The following CCT4 variants were observed in gnomAD, a reference collection of about 807,000 sequenced individuals.
CCT4 encodes chaperonin containing TCP1 subunit 4.
In CCT4, 17 loss-of-function variants were observed where a neutral mutation model predicts 62.5. That is an observed-to-expected ratio of 0.27 (90% CI 0.19 to 0.41). The LOEUF (loss-of-function observed/expected upper bound fraction) is 0.41, where lower values mean the gene tolerates loss of function less well. CCT4 is among the 10% of genes least tolerant of loss of function. CCT4 has a pLI of 1.00. For missense variants in CCT4, 592 were observed against 659.2 expected (o/e 0.90, Z 1.12); for synonymous variants, 250 against 229.9 (o/e 1.09, Z -0.79).
chr2:61,875,926 C>G (rs978373055), intron 8 of CCT4, among the ~76,000 whole-genome samples, 169 bp downstream of exon 8: 2 of 152,086 alleles, frequency 1.3e-5, no homozygotes, highest in African/African-American at 4.8e-5. Context: ...AACATTTTAC[C>G]TGTGCTTTTA....
chr2:61,880,494 G>A, intron 3 of CCT4, 100 bp from the exon 4 acceptor site: 1 of 701,348 alleles, frequency 1.4e-6, no homozygotes, highest in South Asian at 1.7e-5. Flanking sequence ...AGAATTTGAA[G>A]ATGCAACATG....
At chr2:61,877,717 T>G (rs1424545451) in intron 5 of CCT4, among the ~76,000 whole-genome samples, 3 of 152,162 alleles carry the variant, frequency 2.0e-5, no homozygotes, top group African/African-American at 7.2e-5. Flanking sequence ...AAAACATGTA[T>G]GCTTGCTTTT....
Position 61,880,371 on chromosome 2 carries a change from T to C in CCT4, c.294A>G (p.Gln98=). Reference sequence around the variant, plus strand: ...TGGTGCCATCTCCTGCTTCTATATCTTGAGCCTTAGACAGCTCCACCAGCT... The same window carrying C: ...TGGTGCCATCTCCTGCTTCTATATCCTGAGCCTTAGACAGCTCCACCAGCT... The part of the protein sequence containing the change: ...ARMLVELSKA[Q]DIEAGDGTTS... Residue 98 remains glutamine, a synonymous_variant, in exon 4 of 14, where the codon CAA becomes CAG. Transcript: ENST00000394440. 6.2e-7 allele frequency: 1 copy of C among 1,605,972 alleles called. No individual in the cohort carries two copies.
chr2:61,873,790 T>G (rs180967304), intron 8 of CCT4, among the ~76,000 whole-genome samples: 1 of 152,154 alleles, frequency 6.6e-6, no homozygotes, highest in Non-Finnish European at 1.5e-5. Flanking sequence ...GGTCTCGAAC[T>G]CCTGACTTCA....
rs1668896805 is a variant in CCT4, at chr2:61,872,116, T to C, written c.1457A>G (p.Gln486Arg). The change falls in exon 12 of 14, where the codon CAG becomes CGG. Residue 486 changes from glutamine to arginine, a missense_variant. This residue lies in a region of CCT4 where 522 missense variants were observed against 571.2 expected (regional missense o/e 0.91). Coordinates refer to ENST00000394440, the MANE Select transcript of CCT4 (RefSeq NM_006430.4). Reference protein sequence around the residue: ...TVTELRNRHAQGEKTAGINVR... With the variant: ...TVTELRNRHARGEKTAGINVR... ...ATTAATGCCTGCAGTTTTTTCTCCC[T>C]GGGCATGCCGGTTTCTTAGTTCTGT... The C allele has an allele frequency of 6.2e-7, 1 of 1,613,790 alleles. No homozygotes were observed. The highest frequency in any genetic ancestry group is 8.5e-7 in the Non-Finnish European group (1 of 1,179,834).
intron 10 of CCT4, 39 bp from the exon 11 acceptor site, chr2:61,872,627 C>CAA (rs200509643): frequency 1.2e-6 from 2 of 1,607,272 alleles, no homozygotes; most frequent in Middle Eastern, 1.7e-4. Flanking sequence ...TTTGAAGGGT[C>CAA]AAAAAAACCC....
At chr2:61,879,469 G>C (rs1279735249) in intron 4 of CCT4, among the ~76,000 whole-genome samples, 38 of 147,644 alleles carry the variant, frequency 2.6e-4, no homozygotes, top group African/African-American at 9.5e-4. Context: ...GTGGAGACAG[G>C]GTTTTGCCAT....
intron 2 of CCT4, among the ~76,000 whole-genome samples, chr2:61,884,499 CG>C (rs1209586291): frequency 3.3e-5 from 5 of 150,100 alleles, no homozygotes; most frequent in South Asian, 2.1e-4. Context: ...TTAGTAGAGA[CG>C]GGGTTTCACC....
intron 6 of CCT4, 107 bp from the exon 7 acceptor site, chr2:61,877,159 C>G (rs1669018736): frequency 9.3e-7 from 1 of 1,079,050 alleles, no homozygotes; most frequent in Non-Finnish European, 1.3e-6. Flanking sequence ...TATGATTCAG[C>G]CTCACATTTA....
chr2:61,869,284 C>T (rs1423191862), intron 13 of CCT4, among the ~76,000 whole-genome samples, 156 bp downstream of exon 13: 3 of 151,892 alleles, frequency 2.0e-5, no homozygotes, highest in East Asian at 1.9e-4. Flanking sequence ...TGCAGTGAGC[C>T]GAGACTGTGC....
At chr2:61,878,048 C>G (rs779016130) in intron 5 of CCT4, among the ~76,000 whole-genome samples, 5 of 152,182 alleles carry the variant, frequency 3.3e-5, no homozygotes, top group Admixed American at 2.0e-4. Flanking sequence ...TGAACAAACA[C>G]AAGCAGTCTA....
chr2:61,883,281 C>T (rs1669156720), intron 3 of CCT4, among the ~76,000 whole-genome samples, 178 bp downstream of exon 3: 1 of 151,932 alleles, frequency 6.6e-6, no homozygotes. Flanking sequence ...ATCAACCAGG[C>T]ATGGTGGCAC....
At position 61,872,566 on chromosome 2, in the gene CCT4, C is replaced by T. The variant is rs1668906136; in HGVS notation, c.1148G>A (p.Gly383Glu). The change falls in exon 11 of 14, where the codon GGA becomes GAA. Residue 383 changes from glycine to glutamate, a missense_variant. By Grantham distance (98) the Gly-to-Glu change is moderately conservative. This residue lies in a region of CCT4 where 522 missense variants were observed against 571.2 expected (regional missense o/e 0.91). Coordinates refer to ENST00000394440, the MANE Select transcript of CCT4 (RefSeq NM_006430.4). ...ACGAACAACAATTGTAACTGTTTTT[C>T]CAGGGCTGGCACAGCCTGTAATCTT... ...LLKITGCASP[G>E]KTVTIVVRGS... is the part of the protein sequence containing the mutation. 5 of 1,614,054 alleles carry T rather than the reference C, an allele frequency of 3.1e-6. No homozygotes were observed. The Admixed American group carries it at 5.0e-5, about 16-fold the overall frequency.
At chr2:61,884,933 T>A in intron 2 of CCT4, 87 bp downstream of exon 2, 1 of 1,215,282 alleles carries the variant, frequency 8.2e-7, no homozygotes, top group Non-Finnish European at 1.2e-6. Flanking sequence ...GCCCCACTTT[T>A]TAAACAGCAC....
At position 61,872,579 on chromosome 2, in the gene CCT4, A is replaced by G; in HGVS notation, c.1135T>C (p.Cys379Arg). 6.2e-7 allele frequency: 1 copy of G among 1,613,736 alleles called. No individual in the cohort carries two copies. The highest frequency in any genetic ancestry group is 8.5e-7 in the Non-Finnish European group (1 of 1,179,896). ...GTAACTGTTTTTCCAGGGCTGGCAC[A>G]GCCTGTAATCTTCAGTAAACAAATT... ...GSGKLLKITGCASPGKTVTIV... is the reference protein window; with the variant it reads ...GSGKLLKITGRASPGKTVTIV... Residue 379 changes from cysteine to arginine, a missense_variant, in exon 11 of 14, where the codon TGT (cysteine) becomes CGT (arginine). Physicochemically the swap from Cys to Arg is radical, Grantham distance 180 (BLOSUM62 -3). Coordinates refer to ENST00000394440, the MANE Select transcript of CCT4 (RefSeq NM_006430.4).
intron 10 of CCT4, 77 bp from the exon 11 acceptor site, chr2:61,872,665 C>T (rs927890396): frequency 2.8e-5 from 41 of 1,475,930 alleles, no homozygotes; most frequent in East Asian, 2.0e-4. Flanking sequence ...CGGCGGCTCA[C>T]GCCTGTAAAC....
intron 13 of CCT4, 101 bp downstream of exon 13, chr2:61,869,339 A>G: frequency 2.9e-6 from 2 of 690,434 alleles, no homozygotes; most frequent in Non-Finnish European, 5.1e-6. Flanking sequence ...TTGTCTCAAA[A>G]AAACCAACCA....
Position 61,876,099 on chromosome 2 carries a change from G to C in CCT4, c.913C>G (p.Leu305Val), listed in dbSNP as rs1406921017. The C allele has an allele frequency of 6.3e-7, 1 of 1,599,784 alleles. No homozygotes were observed. The highest frequency in any genetic ancestry group is 8.6e-7 in the Non-Finnish European group (1 of 1,168,586). The change falls in exon 8 of 14, where the codon CTA (leucine) becomes GTA (valine). Residue 305 changes from leucine to valine, a missense_variant. This residue lies in a region of CCT4 where 522 missense variants were observed against 571.2 expected (regional missense o/e 0.91). Coordinates refer to ENST00000394440, the MANE Select transcript of CCT4 (RefSeq NM_006430.4). ...ACAAAATAAATAGCCCCACACCTTA[G>C]AATAGATTTCTGTATGAGAAGGACA... The part of the protein sequence containing the change: ...CNVLLIQKSI[L>V]RDALSDLALH...
Position 61,876,927 on chromosome 2 carries a change from T to G in CCT4, c.770A>C (p.Lys257Thr). Residue 257 changes from lysine to threonine, a missense_variant, in exon 7 of 14, where the codon AAA (lysine) becomes ACA (threonine). Lys to Thr is a moderately conservative substitution (Grantham distance 78, BLOSUM62 -1). Around this residue, in one of 3 missense-constraint regions of CCT4, gnomAD observed 522 missense variants for 571.2 expected, o/e 0.91. Coordinates refer to ENST00000394440, the MANE Select transcript of CCT4 (RefSeq NM_006430.4). ...CATTTGGATTCTACTTACGTCTGTT[T>G]TGGGAGCAGATAAGCAAAACTGAAT... is the stretch of plus-strand genomic sequence containing the variant. ...GLIQFCLSAP[K>T]TDMDNQIVVS... The G allele has an allele frequency of 1.2e-6, 2 of 1,611,012 alleles. No individual in the cohort carries two copies. The highest frequency in any genetic ancestry group is 1.1e-5 in the South Asian group (1 of 90,398).
Sources: allele counts gnomAD v4.1 joint callset (sites outside exome capture counted in the v4.1 genomes callset), GRCh38; gene constraint gnomAD v4.1.1; regional missense constraint gnomAD v4.1.1; transcripts MANE v1.5; gene names NCBI Gene and HGNC (gene_info 2026-07-23, HGNC 2026-07-21).